The following EDAR variants were observed in gnomAD, a reference collection of about 807,000 sequenced individuals.
EDAR encodes the protein tumor necrosis factor receptor superfamily member EDAR.
A neutral mutation model predicts 51.3 loss-of-function variants in EDAR; 38 were observed. That is an observed-to-expected ratio of 0.74 (90% CI 0.57 to 0.97). The LOEUF (loss-of-function observed/expected upper bound fraction) is 0.97, where lower values mean the gene tolerates loss of function less well. EDAR is among the 50% of genes least tolerant of loss of function. The probability of loss-of-function intolerance (pLI) is 0.00; values close to 1 mark genes in which losing one functional copy is unlikely to be tolerated. For missense variants in EDAR, 528 were observed against 595.0 expected (o/e 0.89, Z 1.17); for synonymous variants, 227 against 242.1 (o/e 0.94, Z 0.58).
intron 1 of EDAR, among the ~76,000 whole-genome samples, chr2:108,951,109 C>T (rs1697818920): frequency 6.6e-6 from 1 of 152,226 alleles, no homozygotes; most frequent in Non-Finnish European, 1.5e-5. Flanking sequence ...ACTACCTGCC[C>T]TGGGAGTTTC....
intron 11 of EDAR, among the ~76,000 whole-genome samples, chr2:108,898,098 A>G (rs562784820): frequency 6.6e-6 from 1 of 152,346 alleles, no homozygotes; most frequent in African/African-American, 2.4e-5. Context: ...CCTAGCAAGC[A>G]TAAAACATTT....
chr2:108,964,898 C>T (rs372499478), intron 1 of EDAR, among the ~76,000 whole-genome samples: 1 of 152,214 alleles, frequency 6.6e-6, no homozygotes, highest in Non-Finnish European at 1.5e-5. Flanking sequence ...AATAACAGCA[C>T]GTCTGGAATA....
chr2:108,956,736 C>T (rs1486720831), intron 1 of EDAR, among the ~76,000 whole-genome samples: 1 of 151,966 alleles, frequency 6.6e-6, no homozygotes, highest in Admixed American at 6.6e-5. Context: ...TGGACTTTTA[C>T]GATTAGGATC....
chr2:108,930,320 C>T (rs1414804601), intron 2 of EDAR, 78 bp from the exon 3 acceptor site: 2 of 1,596,570 alleles, frequency 1.3e-6, no homozygotes, highest in East Asian at 2.2e-5. Flanking sequence ...CCAAGGTTGA[C>T]ATAGGAAGGG....
chr2:108,939,143 T>A (rs1420389018), intron 1 of EDAR, among the ~76,000 whole-genome samples: 2 of 152,098 alleles, frequency 1.3e-5, no homozygotes, highest in Non-Finnish European at 2.9e-5. Flanking sequence ...GAGCCACTCT[T>A]CAGCACTTTA....
rs1426603955 is a variant in EDAR, at chr2:108,910,590, G to A, written c.731-58C>T. ...AGTTAGAATTGGCTCATGGCTCTGC[G>A]CTCAGCCCAACCCTGCTCTTCCTGT... On this transcript the variant is annotated intron_variant, in intron 8 of 11. Transcript: ENST00000258443. 12 of 1,484,358 alleles carry A rather than the reference G, an allele frequency of 8.1e-6. No homozygotes were observed. In the Admixed American group the frequency reaches 1.6e-4, roughly 19 times the overall value. 91.9% of individuals were successfully genotyped at this position (1,484,358 alleles called of 1,614,324 possible). A position where few individuals can be genotyped will look rare whatever the true frequency, so the allele number is the denominator to read the frequency against.
chr2:108,918,683 T>A (rs1377720592), intron 5 of EDAR, among the ~76,000 whole-genome samples: 1 of 152,192 alleles, frequency 6.6e-6, no homozygotes, highest in African/African-American at 2.4e-5. Flanking sequence ...TCCCCAGGAA[T>A]GCTCAGTGAG....
chr2:108,968,148 CA>C (rs1201668476), intron 1 of EDAR, among the ~76,000 whole-genome samples: 1 of 152,094 alleles, frequency 6.6e-6, no homozygotes, highest in Non-Finnish European at 1.5e-5. Flanking sequence ...AAGGCGCCGT[CA>C]TTGTTCTCAC....
chr2:108,935,581 G>T (rs541141326), intron 1 of EDAR, among the ~76,000 whole-genome samples: 7 of 152,274 alleles, frequency 4.6e-5, no homozygotes, highest in East Asian at 1.9e-4. Context: ...AGCCTTGGCT[G>T]GGTCTCTCCC....
chr2:108,962,320 T>C (rs1429414961), intron 1 of EDAR, among the ~76,000 whole-genome samples: 1 of 152,018 alleles, frequency 6.6e-6, no homozygotes, highest in African/African-American at 2.4e-5. Flanking sequence ...GGTAATGAAA[T>C]GGAGGATTAA....
intron 3 of EDAR, 132 bp downstream of exon 3, chr2:108,929,988 A>G (rs1158301181): frequency 1.2e-5 from 14 of 1,131,560 alleles, no homozygotes; most frequent in Non-Finnish European, 1.7e-5. Flanking sequence ...CTCAACGTCC[A>G]GGGAGCGTGA....
chr2:108,931,854 A>G (rs1697372744), intron 1 of EDAR, among the ~76,000 whole-genome samples: 1 of 152,020 alleles, frequency 6.6e-6, no homozygotes, highest in Non-Finnish European at 1.5e-5. Flanking sequence ...TGCTCTAGTG[A>G]TCGCCTAAAT....
Position 108,896,819 on chromosome 2 carries a change from C to CTT in EDAR, c.*86_*87dup. 2 of 1,335,558 alleles carry CTT rather than the reference C, an allele frequency of 1.5e-6. No homozygotes were observed. Among genetic ancestry groups the CTT allele is most frequent in the Non-Finnish European group, 2.1e-6 (2 of 962,906 alleles). 82.7% of individuals were successfully genotyped at this position (1,335,558 alleles called of 1,614,324 possible). ...GTGACATATCACAAAAGCCTTGATT[C>CTT]TTGGCAGTCTTTTGGCACCACTCAC... is the stretch of plus-strand genomic sequence containing the variant. On this transcript the variant is annotated 3_prime_UTR_variant, in exon 12 of 12. Coordinates refer to ENST00000258443, the MANE Select transcript of EDAR (RefSeq NM_022336.4).
intron 1 of EDAR, among the ~76,000 whole-genome samples, chr2:108,949,761 CAAAGAG>C (rs1697787843): frequency 6.6e-6 from 1 of 152,096 alleles, no homozygotes; most frequent in African/African-American, 2.4e-5. Flanking sequence ...TCTCAAACTC[CAAAGAG>C]AAAGAGTGAC....
intron 1 of EDAR, among the ~76,000 whole-genome samples, chr2:108,955,922 G>C (rs932740901): frequency 1.3e-5 from 2 of 151,640 alleles, no homozygotes; most frequent in Non-Finnish European, 2.9e-5. Flanking sequence ...CCAGCTACTC[G>C]GGAGGCTGAG....
Position 108,949,794 on chromosome 2 carries a change from G to T in EDAR, c.-18-18762C>A, listed in dbSNP as rs75672401. On this transcript the variant is annotated intron_variant, in intron 1 of 11. Transcript: ENST00000258443. ...AAGAGTGACTCAGTTAAGATGATGA[G>T]GTATGTAGCCAATGATTTATCATGG... Among the ~76,000 whole-genome samples the T allele has an allele frequency of 7.8e-3, 1,190 of 152,226 alleles. 9 individuals are homozygous for T. The highest frequency in any genetic ancestry group is 0.029 in the South Asian group (138 of 4,816).
intron 10 of EDAR, 124 bp downstream of exon 10, chr2:108,907,736 A>C (rs967238035): frequency 8.9e-7 from 1 of 1,129,422 alleles, no homozygotes; most frequent in South Asian, 1.3e-5. Flanking sequence ...CAGGTCTCCT[A>C]TCTTGGACTT....
At chr2:108,904,573 A>G (rs1574367152) in intron 11 of EDAR, among the ~76,000 whole-genome samples, 2 of 152,244 alleles carry the variant, frequency 1.3e-5, no homozygotes, top group South Asian at 4.1e-4. Context: ...GATGTCCTTC[A>G]ACAAGTGAAT....
intron 1 of EDAR, among the ~76,000 whole-genome samples, chr2:108,968,039 C>T (rs962274970): frequency 1.3e-5 from 2 of 152,174 alleles, no homozygotes; most frequent in African/African-American, 2.4e-5. Context: ...ATAGGACATG[C>T]GCCCACTGTC....
Sources: allele counts gnomAD v4.1 joint callset (sites outside exome capture counted in the v4.1 genomes callset), GRCh38; gene constraint gnomAD v4.1.1; transcripts MANE v1.5; gene names NCBI Gene and HGNC (gene_info 2026-07-23, HGNC 2026-07-21).